STK32A: variants seen among roughly 807,000 people sequenced by gnomAD.
STK32A encodes serine/threonine-protein kinase 32A.
A neutral mutation model predicts 53.2 loss-of-function variants in STK32A; 41 were observed. The observed-to-expected ratio is 0.77, with a 90% CI of 0.60 to 1.00. STK32A has a LOEUF of 1.00. Ranked by LOEUF, STK32A falls within the 50% of genes least tolerant of loss-of-function variation. The probability of loss-of-function intolerance (pLI) is 0.00; values close to 1 mark genes in which losing one functional copy is unlikely to be tolerated. For synonymous variants in STK32A, 166 were observed against 162.8 expected (o/e 1.02, Z -0.15); for missense variants, 458 against 485.8 (o/e 0.94, Z 0.54).
intron 8 of STK32A, among the ~76,000 whole-genome samples, chr5:147,363,606 G>A (rs1561748747): frequency 1.3e-5 from 2 of 152,194 alleles, no homozygotes; most frequent in Admixed American, 1.3e-4. Context: ...GTTCACAGCT[G>A]GATAGCATTA....
intron 2 of STK32A, among the ~76,000 whole-genome samples, chr5:147,255,109 C>T (rs951488342): frequency 1.3e-5 from 2 of 152,120 alleles, no homozygotes; most frequent in African/African-American, 4.8e-5. Flanking sequence ...CATTGCATGC[C>T]AGCCTGGGCG....
At chr5:147,389,052 T>TA (rs1757736135), downstream of STK32A, among the ~76,000 whole-genome samples, 1 of 152,190 alleles carries the variant, frequency 6.6e-6, no homozygotes, top group Non-Finnish European at 1.5e-5. Context: ...TTTATGCACT[T>TA]AGAGTAGCTT....
intron 2 of STK32A, among the ~76,000 whole-genome samples, chr5:147,272,281 T>G (rs1307073238): frequency 6.6e-6 from 1 of 152,160 alleles, no homozygotes; most frequent in African/African-American, 2.4e-5. Context: ...TTCACCATGT[T>G]GGCCAGGGTG....
At chr5:147,373,073 A>T (rs1431848208) in intron 9 of STK32A, 96 bp from the exon 10 acceptor site, 3 of 1,478,780 alleles carry the variant, frequency 2.0e-6, no homozygotes, top group Non-Finnish European at 2.8e-6. Flanking sequence ...ATTTTCCTTC[A>T]GTCCTACAGT....
intron 2 of STK32A, among the ~76,000 whole-genome samples, chr5:147,242,784 A>T (rs1004269562): frequency 6.6e-6 from 1 of 152,180 alleles, no homozygotes; most frequent in Non-Finnish European, 1.5e-5. Flanking sequence ...TGAGGAGAAA[A>T]AGTATGCCAT....
intron 8 of STK32A, among the ~76,000 whole-genome samples, chr5:147,369,481 T>C (rs1282774848): frequency 1.3e-5 from 2 of 152,242 alleles, no homozygotes; most frequent in Non-Finnish European, 2.9e-5. Context: ...TTGAGAAATT[T>C]ACACATATTA....
At position 147,370,673 on chromosome 5, in the gene STK32A, C is replaced by A; in HGVS notation, c.680C>A (p.Ser227Tyr). 1 of 1,611,138 alleles carries A rather than the reference C, an allele frequency of 6.2e-7. No homozygotes were observed. The highest frequency in any genetic ancestry group is 1.1e-5 in the South Asian group (1 of 90,928). The change falls in exon 9 of 13, where the codon TCC (serine) becomes TAC (tyrosine). Residue 227 changes from serine to tyrosine, a missense_variant. By Grantham distance (144) the Ser-to-Tyr change is moderately radical. Transcript: ENST00000397936. ...LRGRRPYHIR[S>Y]STSSKEIVHT... The stretch of plus-strand genomic sequence containing the variant: ...CTTAAGAGACCGTATCATATTCGCT[C>A]CAGTACTTCCAGCAAGGAAATTGTA...
intron 4 of STK32A, among the ~76,000 whole-genome samples, chr5:147,307,036 A>G (rs1753440098): frequency 6.6e-6 from 1 of 152,122 alleles, no homozygotes; most frequent in African/African-American, 2.4e-5. Context: ...ACTAAATGAG[A>G]CATTGAATAA....
At chr5:147,325,856 A>G (rs1481405718) in intron 5 of STK32A, among the ~76,000 whole-genome samples, 1 of 152,132 alleles carries the variant, frequency 6.6e-6, no homozygotes, top group Non-Finnish European at 1.5e-5. Context: ...CTGCTCGTTC[A>G]TTCTCCCAAA....
chr5:147,324,540 G>A (rs1315510601), intron 5 of STK32A, among the ~76,000 whole-genome samples: 3 of 152,044 alleles, frequency 2.0e-5, no homozygotes, highest in Admixed American at 2.0e-4. Context: ...AAAAGCAATA[G>A]CAATGTCTTC....
the STK32A span, among the ~76,000 whole-genome samples, chr5:147,397,193 C>T: frequency 2.2e-5 from 3 of 139,464 alleles, no homozygotes; most frequent in Admixed American, 7.5e-5. Flanking sequence ...TATATATACA[C>T]ACATATCTCT....
chr5:147,343,715 G>T (rs970246801), intron 6 of STK32A, among the ~76,000 whole-genome samples: 2 of 152,172 alleles, frequency 1.3e-5, no homozygotes, highest in Non-Finnish European at 2.9e-5. Context: ...GCTTCATCTT[G>T]TTTTATGCGG....
chr5:147,362,854 A>G (rs1047292989), intron 8 of STK32A, among the ~76,000 whole-genome samples: 1 of 152,170 alleles, frequency 6.6e-6, no homozygotes, highest in Non-Finnish European at 1.5e-5. Context: ...GGTAGGAGGC[A>G]GGAGGATTCC....
chr5:147,249,679 G>A (rs777246435), intron 2 of STK32A, among the ~76,000 whole-genome samples: 6 of 151,942 alleles, frequency 3.9e-5, no homozygotes, highest in Non-Finnish European at 8.8e-5. Context: ...TTGGGAGGCC[G>A]AGGGGGGTGG....
intron 2 of STK32A, among the ~76,000 whole-genome samples, chr5:147,240,413 G>C (rs1367938419): frequency 6.6e-6 from 1 of 152,144 alleles, no homozygotes; most frequent in Non-Finnish European, 1.5e-5. Context: ...CTCTGAGAGG[G>C]AGCTCTTCCG....
At chr5:147,357,153 T>C (rs1349346506) in intron 7 of STK32A, among the ~76,000 whole-genome samples, 1 of 152,128 alleles carries the variant, frequency 6.6e-6, no homozygotes, top group African/African-American at 2.4e-5. Context: ...AATTAATTAA[T>C]TTGATTAATT....
chr5:147,309,125 G>A (rs1268203617), intron 4 of STK32A, among the ~76,000 whole-genome samples: 1 of 152,136 alleles, frequency 6.6e-6, no homozygotes, highest in African/African-American at 2.4e-5. Context: ...AGGTCCTGCA[G>A]GTGGTGAGAT....
At chr5:147,263,978 G>A (rs2400290) in intron 2 of STK32A, among the ~76,000 whole-genome samples, 45,068 of 152,004 alleles carry the variant, frequency 0.3, 7,046 homozygotes, top group African/African-American at 0.36. Flanking sequence ...AGGCATCAAA[G>A]TAGCTCTAGA....
the STK32A span, chr5:147,393,759 A>C: frequency 2.2e-6 from 1 of 444,938 alleles, no homozygotes; most frequent in Non-Finnish European, 4.1e-6. Flanking sequence ...ACTATGATAG[A>C]GCAGACTCTT....
Sources: gnomAD v4.1 joint callset for allele counts (sites outside exome capture counted in the v4.1 genomes callset) on GRCh38, gnomAD v4.1.1 for gene constraint, MANE v1.5 for transcripts, NCBI Gene and HGNC (gene_info 2026-07-23, HGNC 2026-07-21) for gene names.